AGPAT5: variants seen among roughly 807,000 people sequenced by gnomAD.
The protein encoded by AGPAT5 is 1-acylglycerol-3-phosphate O-acyltransferase 5.
AGPAT5 carries 46 observed loss-of-function variants against 45.6 expected under a neutral mutation model. The observed-to-expected ratio is 1.01, with a 90% CI of 0.80 to 1.29. The LOEUF is 1.29. Ranked by LOEUF, AGPAT5 falls within the 50% of genes most tolerant of loss-of-function variation. The pLI, the probability that AGPAT5 is intolerant of heterozygous loss-of-function variation, is 0.00. For missense variants in AGPAT5, 673 were observed against 450.7 expected (o/e 1.49, Z -4.47); for synonymous variants, 272 against 167.0 (o/e 1.63, Z -4.85).
In AGPAT5 at chr8:6,755,034, T is replaced by C. The variant is rs1478290316; in HGVS notation, c.746-17T>C. ...CTAAAATAGTAAAAAAAAAGAATTA[T>C]TTTTGTTCTTTGTTAGAATTTCTCT... On this transcript the variant is annotated splice_polypyrimidine_tract_variant and intron_variant, in intron 6 of 7. Coordinates refer to ENST00000285518, the MANE Select transcript of AGPAT5 (RefSeq NM_018361.5). 2 of 1,557,338 alleles carry C rather than the reference T, an allele frequency of 1.3e-6. No individual in the cohort carries two copies. The highest frequency in any genetic ancestry group is 2.8e-5 in the African/African-American group (2 of 71,968).
intron 1 of AGPAT5, among the ~76,000 whole-genome samples, chr8:6,712,101 A>G (rs907816577): frequency 6.6e-6 from 1 of 152,124 alleles, no homozygotes; most frequent in Admixed American, 6.5e-5. Context: ...TCGTAGTTTA[A>G]CTTGCCTTAT....
At chr8:6,708,973 G>T (rs1190777453) in intron 1 of AGPAT5, 86 bp downstream of exon 1, 2 of 1,362,754 alleles carry the variant, frequency 1.5e-6, no homozygotes, top group Non-Finnish European at 2.0e-6. Flanking sequence ...GCTGGCGAGG[G>T]TCACCCGGCC....
intron 1 of AGPAT5, among the ~76,000 whole-genome samples, chr8:6,722,852 T>C (rs1587010963): frequency 6.6e-6 from 1 of 151,930 alleles, no homozygotes; most frequent in African/African-American, 2.4e-5. Context: ...GTAGGGGATG[T>C]CTGATGAGTT....
chr8:6,736,218 A>G (rs950301279), intron 4 of AGPAT5, among the ~76,000 whole-genome samples: 7 of 152,228 alleles, frequency 4.6e-5, no homozygotes, highest in Admixed American at 3.3e-4. Flanking sequence ...TGTCAAAACT[A>G]AGAAATAAAC....
chr8:6,724,006 G>A (rs1437875018), intron 1 of AGPAT5, among the ~76,000 whole-genome samples: 1 of 152,178 alleles, frequency 6.6e-6, no homozygotes, highest in Non-Finnish European at 1.5e-5. Context: ...ACCATTAGCA[G>A]CCATTTCCTT....
intron 2 of AGPAT5, among the ~76,000 whole-genome samples, chr8:6,728,243 T>TA (rs1347870598): frequency 1.3e-5 from 2 of 152,264 alleles, no homozygotes; most frequent in African/African-American, 4.8e-5. Context: ...AATTTATTGC[T>TA]ATCTTAGTTA....
chr8:6,723,695 G>T (rs1000051761), intron 1 of AGPAT5, among the ~76,000 whole-genome samples: 23 of 152,282 alleles, frequency 1.5e-4, no homozygotes, highest in African/African-American at 4.8e-4. Context: ...AAAACTCATT[G>T]TGCAAATGTT....
chr8:6,708,944 A>G (rs773041597), intron 1 of AGPAT5, 57 bp downstream of exon 1: 1 of 1,502,250 alleles, frequency 6.7e-7, no homozygotes, highest in South Asian at 1.2e-5. Flanking sequence ...GGGGGCGCGG[A>G]CCTCTCCGCT....
At chr8:6,735,299 C>A (rs1008197307) in intron 4 of AGPAT5, among the ~76,000 whole-genome samples, 1 of 152,190 alleles carries the variant, frequency 6.6e-6, no homozygotes, top group Non-Finnish European at 1.5e-5. Context: ...GCCCTGAGCC[C>A]TTCCCACAGG....
rs779755430 is a variant in AGPAT5, at chr8:6,741,800, C to T, written c.586+49C>T. On this transcript the variant is annotated intron_variant, in intron 5 of 7. Transcript: ENST00000285518. ...AACAAATAATTTTCAAAGATAATAA[C>T]ATTTTTAGTTTTTCTTCCTGGAAAA... is the stretch of plus-strand genomic sequence containing the variant. The T allele has an allele frequency of 4.2e-6, 6 of 1,430,128 alleles. No individual in the cohort carries two copies. In the East Asian group the frequency reaches 1.4e-4, roughly 33 times the overall value. 88.6% of individuals were successfully genotyped at this position (1,430,128 alleles called of 1,614,324 possible). A position where few individuals can be genotyped will look rare whatever the true frequency, so the allele number is the denominator to read the frequency against.
At position 6,759,959 on chromosome 8, in the gene AGPAT5, G is replaced by A. The variant is rs555111171; in HGVS notation, c.*2571G>A. Among the ~76,000 whole-genome samples, 41 of 152,254 alleles carry A rather than the reference G, an allele frequency of 2.7e-4. No homozygotes were observed. The highest frequency in any genetic ancestry group is 9.4e-4 in the African/African-American group (39 of 41,540). On this transcript the variant is annotated 3_prime_UTR_variant, in exon 8 of 8. Transcript: ENST00000285518. ...CAAATGCCTTAAATTAACTAAGTTG[G>A]TGAATAAAAGTGCCGATCTGGCTAA...
intron 1 of AGPAT5, among the ~76,000 whole-genome samples, chr8:6,719,599 A>G (rs1800437435): frequency 6.6e-6 from 1 of 152,226 alleles, no homozygotes; most frequent in Non-Finnish European, 1.5e-5. Flanking sequence ...CATTATCAGC[A>G]CAAGCTAATA....
At chr8:6,754,129 A>T (rs1801748136) in intron 6 of AGPAT5, among the ~76,000 whole-genome samples, 2 of 152,216 alleles carry the variant, frequency 1.3e-5, no homozygotes, top group South Asian at 4.1e-4. Flanking sequence ...TTCTTCAAGG[A>T]ACTTAAATAT....
Position 6,708,650 on chromosome 8 carries a change from C to A in AGPAT5, c.-19C>A. 6.6e-7 allele frequency: 1 copy of A among 1,511,906 alleles called. No individual in the cohort carries two copies. The allele number at this position is 1,511,906 out of a possible 1,614,324, so 93.7% of individuals were successfully genotyped here. On this transcript the variant is annotated 5_prime_UTR_variant, in exon 1 of 8. The change creates a new upstream start codon in the 5' untranslated region. Coordinates refer to ENST00000285518, the MANE Select transcript of AGPAT5 (RefSeq NM_018361.5). Reference sequence around the variant, plus strand: ...GGGCGGGGAGCGCAGGCGGAGCTCGCTGCCGCCGAGCTGAGAAGATGCTGC... The same window carrying A: ...GGGCGGGGAGCGCAGGCGGAGCTCGATGCCGCCGAGCTGAGAAGATGCTGC...
chr8:6,746,771 G>T (rs1341800989), intron 5 of AGPAT5, among the ~76,000 whole-genome samples: 1 of 152,144 alleles, frequency 6.6e-6, no homozygotes, highest in African/African-American at 2.4e-5. Context: ...CTCCAGAGAG[G>T]CCAGTAGAAA....
intron 1 of AGPAT5, among the ~76,000 whole-genome samples, chr8:6,721,748 C>A (rs1039901113): frequency 3.9e-5 from 6 of 152,272 alleles, no homozygotes; most frequent in Non-Finnish European, 7.4e-5. Flanking sequence ...TGTAGGGTAG[C>A]TAGGGCTTGT....
At chr8:6,725,142 T>G (rs1489921893) in intron 2 of AGPAT5, among the ~76,000 whole-genome samples, 1 of 152,212 alleles carries the variant, frequency 6.6e-6, no homozygotes, top group Non-Finnish European at 1.5e-5. Flanking sequence ...AAACTTACCT[T>G]CTCCCTCTGT....
intron 4 of AGPAT5, among the ~76,000 whole-genome samples, chr8:6,736,039 A>C (rs1157931071): frequency 6.6e-6 from 1 of 151,864 alleles, no homozygotes; most frequent in African/African-American, 2.4e-5. Context: ...TTTTTAGTAG[A>C]GACAGGGTTT....
intron 2 of AGPAT5, among the ~76,000 whole-genome samples, chr8:6,728,991 A>T (rs531987056): frequency 2.0e-5 from 3 of 152,328 alleles, no homozygotes; most frequent in Non-Finnish European, 4.4e-5. Flanking sequence ...CTCTGGGATC[A>T]TACACTGTAG....
Sources: gnomAD v4.1 joint callset for allele counts (sites outside exome capture counted in the v4.1 genomes callset) on GRCh38, gnomAD v4.1.1 for gene constraint, MANE v1.5 for transcripts, NCBI Gene and HGNC (gene_info 2026-07-23, HGNC 2026-07-21) for gene names.